Variants in MEIG1 observed in about 807,000 individuals in gnomAD.
The protein encoded by MEIG1 is meiosis expressed gene 1 protein homolog.
In MEIG1, 12 loss-of-function variants were observed where a neutral mutation model predicts 11.3. The observed-to-expected ratio is 1.07, with a 90% CI of 0.68 to 1.73. The LOEUF (loss-of-function observed/expected upper bound fraction) is 1.73. Among genes scored for constraint, MEIG1 ranks in the 40% most tolerant of loss-of-function variants. The probability of loss-of-function intolerance (pLI) is 0.00; values close to 1 mark genes in which losing one functional copy is unlikely to be tolerated. For synonymous variants in MEIG1, 41 were observed against 33.2 expected (o/e 1.24, Z -0.81); for missense variants, 119 against 104.9 (o/e 1.13, Z -0.59).
chr10:14,972,054 A>G (rs1046835875), intron 2 of MEIG1, among the ~76,000 whole-genome samples: 1 of 149,848 alleles, frequency 6.7e-6, no homozygotes, highest in Non-Finnish European at 1.5e-5. Context: ...TTGTTCTGTC[A>G]CCCAGGCTGG....
chr10:14,962,856 C>G (rs576521554), intron 1 of MEIG1, among the ~76,000 whole-genome samples: 1 of 152,108 alleles, frequency 6.6e-6, no homozygotes, highest in African/African-American at 2.4e-5. Context: ...CCTCCATCTC[C>G]CAGGTTCAAG....
At chr10:14,986,759 G>A (rs538133380) in intron 1 of MEIG1, 83 of 329,764 alleles carry the variant, frequency 2.5e-4, no homozygotes, top group South Asian at 1.9e-3. Flanking sequence ...ACAGGCAGGC[G>A]TCACCAAGCC....
At chr10:14,972,029 T>TTC (rs1843156639) in intron 2 of MEIG1, among the ~76,000 whole-genome samples, 1 of 152,046 alleles carries the variant, frequency 6.6e-6, no homozygotes, top group Non-Finnish European at 1.5e-5. Context: ...TTTTTTTTTT[T>TTC]TCCGAGGCAG....
chr10:14,955,005 C>A (rs1842901337), upstream of MEIG1, among the ~76,000 whole-genome samples: 1 of 152,334 alleles, frequency 6.6e-6, no homozygotes, highest in East Asian at 1.9e-4. Context: ...GATTTCGGCT[C>A]TCTGCAACCT....
chr10:14,958,705 G>A (rs1180826104), upstream of MEIG1, among the ~76,000 whole-genome samples: 3 of 152,164 alleles, frequency 2.0e-5, no homozygotes, highest in African/African-American at 7.2e-5. Flanking sequence ...GATCATCCTG[G>A]CTAACACGGT....
chr10:14,956,042 T>C (rs1208652344), upstream of MEIG1, among the ~76,000 whole-genome samples: 1 of 152,230 alleles, frequency 6.6e-6, no homozygotes, highest in Non-Finnish European at 1.5e-5. Context: ...CGTGATCTTA[T>C]GTATTTGCTC....
chr10:14,988,050 A>T (rs757276586), exon 3 of MEIG1: 1 of 152,468 alleles, frequency 6.6e-6, no homozygotes, highest in South Asian at 2.1e-4. Context: ...ACACTTAAAA[A>T]TGGGAGCTGT....
downstream of MEIG1, among the ~76,000 whole-genome samples, chr10:14,973,938 C>A (rs563409294): frequency 6.6e-6 from 1 of 152,284 alleles, no homozygotes; most frequent in South Asian, 2.1e-4. Context: ...CTTTGACGGA[C>A]TAAGGCCATG....
intron 2 of MEIG1, among the ~76,000 whole-genome samples, chr10:14,971,236 T>TAATAATAATAATAATAATAATAAC (rs1554806491): frequency 1.3e-4 from 20 of 148,252 alleles, no homozygotes; most frequent in African/African-American, 4.5e-4. Context: ...ATAATAATAA[T>TAATAATAATAATAATAATAATAAC]AACAACAATA....
intron 1 of MEIG1, among the ~76,000 whole-genome samples, chr10:14,965,287 G>A (rs992466618): frequency 6.6e-6 from 1 of 152,134 alleles, no homozygotes; most frequent in Admixed American, 6.6e-5. Context: ...TCAGTTAAAT[G>A]ACTGATATAT....
rs527564320 is a variant in MEIG1 at position 14,967,298 on chromosome 10, G to C, written c.138+692G>C. Among the ~76,000 whole-genome samples, 3 of 151,970 alleles carry C rather than the reference G, an allele frequency of 2.0e-5. No individual in the cohort carries two copies. The East Asian group carries it at 5.8e-4, about 30-fold the overall frequency. On this transcript the variant is annotated intron_variant, in intron 2 of 2. Coordinates refer to ENST00000407572, the MANE Select transcript of MEIG1 (RefSeq NM_001080836.3). ...TTATTTTAACCATGAATTAGAAAGAGGTTAAAATCCTGTGGTTTTTGGGGC... is the reference window on the plus strand; with the variant it reads ...TTATTTTAACCATGAATTAGAAAGACGTTAAAATCCTGTGGTTTTTGGGGC...
intron 1 of MEIG1, among the ~76,000 whole-genome samples, chr10:14,980,588 C>T (rs1019976074): frequency 1.3e-5 from 2 of 152,108 alleles, no homozygotes; most frequent in African/African-American, 4.8e-5. Flanking sequence ...CAGGTGTTGG[C>T]GTAGGGCAAT....
intron 1 of MEIG1, among the ~76,000 whole-genome samples, chr10:14,980,290 C>T (rs543790291): frequency 3.3e-5 from 5 of 152,036 alleles, no homozygotes; most frequent in Non-Finnish European, 7.4e-5. Context: ...TATGTCACAG[C>T]GGTGTATATC....
intron 2 of MEIG1, among the ~76,000 whole-genome samples, chr10:14,968,475 G>A (rs867164238): frequency 6.6e-6 from 1 of 151,714 alleles, no homozygotes; most frequent in African/African-American, 2.4e-5. Context: ...GCAACAAAGC[G>A]AAACCCCATC....
rs901879097 is a variant in MEIG1 at position 14,986,182 on chromosome 10, G to A, written n.67-614G>A. Among the ~76,000 whole-genome samples, 8 of 152,204 alleles carry A rather than the reference G, an allele frequency of 5.3e-5. No individual in the cohort carries two copies. The South Asian group carries it at 8.3e-4, about 16-fold the overall frequency. The stretch of plus-strand genomic sequence containing the variant: ...TTAACCATGAAATACAACATTAGCT[G>A]GGCGTGCTGGCGCATGCCTGTAATC... On this transcript the variant is annotated intron_variant and non_coding_transcript_variant, in intron 1 of 2. Coordinates refer to the MEIG1 transcript ENST00000467536.
chr10:14,980,733 G>A (rs953323613), intron 1 of MEIG1, among the ~76,000 whole-genome samples: 2 of 152,148 alleles, frequency 1.3e-5, no homozygotes, highest in African/African-American at 4.8e-5. Flanking sequence ...GATGGTGGGG[G>A]AGTTCTTGAA....
intron 2 of MEIG1, chr10:14,987,096 G>A: frequency 1.5e-6 from 1 of 688,968 alleles, no homozygotes. Flanking sequence ...TCAGGAGCAT[G>A]CATTCTATAC....
intron 1 of MEIG1, among the ~76,000 whole-genome samples, chr10:14,978,093 G>A (rs530781746): frequency 6.6e-6 from 1 of 151,826 alleles, no homozygotes; most frequent in South Asian, 2.1e-4. Context: ...AATATCCTAG[G>A]AAGAGGTTAC....
chr10:14,954,952 G>C (rs1026709105), upstream of MEIG1, among the ~76,000 whole-genome samples: 1 of 152,134 alleles, frequency 6.6e-6, no homozygotes, highest in Non-Finnish European at 1.5e-5. Flanking sequence ...TATTTATTCA[G>C]TTGGGGTCTA....
Sources: gnomAD v4.1 joint callset for allele counts (sites outside exome capture counted in the v4.1 genomes callset) on GRCh38, gnomAD v4.1.1 for gene constraint, MANE v1.5 for transcripts, NCBI Gene and HGNC (gene_info 2026-07-23, HGNC 2026-07-21) for gene names.